The following KARS1 variants were observed in gnomAD, a reference collection of about 807,000 sequenced individuals.
KARS1 encodes the protein lysine--tRNA ligase.
Under a neutral mutation model 63.9 loss-of-function variants are expected in KARS1, and 50 were observed. The ratio of observed to expected loss-of-function variants is 0.78; its 90% confidence interval spans 0.62 to 0.99. The LOEUF (loss-of-function observed/expected upper bound fraction) is 0.99, where lower values mean the gene tolerates loss of function less well. Ranked by LOEUF, KARS1 falls within the 50% of genes least tolerant of loss-of-function variation. KARS1 has a pLI of 0.00. For missense variants in KARS1, 816 were observed against 754.5 expected, an observed-to-expected ratio of 1.08 and a Z score of -0.95; for synonymous variants, 320 against 264.6, an observed-to-expected ratio of 1.21 and a Z score of -2.03.
At chr16:75,631,114 G>A in intron 10 of KARS1, 54 bp downstream of exon 10, 1 of 1,422,732 alleles carries the variant, frequency 7.0e-7, no homozygotes, top group Non-Finnish European at 9.9e-7. Flanking sequence ...CCAGGGAAGA[G>A]GGAACCATTC....
intron 3 of KARS1, among the ~76,000 whole-genome samples, chr16:75,638,747 TAAAG>T (rs2082191515): frequency 6.7e-6 from 1 of 149,146 alleles, no homozygotes; most frequent in African/African-American, 2.5e-5. Context: ...AATCAAAGTA[TAAAG>T]AAAGATAAAA....
intron 3 of KARS1, chr16:75,639,929 C>T: frequency 3.9e-6 from 2 of 515,876 alleles, no homozygotes; most frequent in Non-Finnish European, 7.0e-6. Context: ...ACTTCTACCG[C>T]TGATTCTTGC....
intron 2 of KARS1, 86 bp from the exon 3 acceptor site, chr16:75,640,435 C>T (rs1365397456): frequency 2.4e-5 from 30 of 1,250,314 alleles, no homozygotes; most frequent in Non-Finnish European, 3.3e-5. Context: ...CAGTATTCTG[C>T]CCCCGAGTGA....
At position 75,636,504 on chromosome 16, in the gene KARS1, G is replaced by A. The variant is rs1452244936; in HGVS notation, c.432C>T (p.Phe144=). Residue 144 remains phenylalanine, a synonymous_variant, in exon 4 of 14, where the codon TTC becomes TTT. Transcript: ENST00000302445. ...TCACCCCCTCTCCTCGAAGATCATA[G>A]AAGATGAGCTTTCCCCCAGAAGCTC... ...AKRASGGKLI[F]YDLRGEGVKL... The A allele has an allele frequency of 1.2e-6, 2 of 1,613,578 alleles. No homozygotes were observed. The highest frequency in any genetic ancestry group is 2.2e-5 in the East Asian group (1 of 44,894).
intron 1 of KARS1, chr16:75,644,514 T>C: frequency 7.5e-7 from 1 of 1,332,922 alleles, no homozygotes. Flanking sequence ...AGTATACATA[T>C]ACCCAACCAA....
At chr16:75,635,568 T>C in intron 6 of KARS1, 112 bp downstream of exon 6, 1 of 1,202,004 alleles carries the variant, frequency 8.3e-7, no homozygotes, top group Non-Finnish European at 1.2e-6. Context: ...GACATTCTCA[T>C]TAGGCATGAA....
Position 75,634,250 on chromosome 16 carries a change from C to T in KARS1, c.838G>A (p.Ala280Thr). Residue 280 changes from alanine to threonine, a missense_variant, in exon 7 of 14, where the codon GCC (alanine) becomes ACC (threonine). Physicochemically the swap from Ala to Thr is moderately conservative, Grantham distance 58. Coordinates refer to ENST00000302445, the MANE Select transcript of KARS1 (RefSeq NM_005548.3). Reference protein sequence around the residue: ...MMNIIPGGAVAKPFITYHNEL... With the variant: ...MMNIIPGGAVTKPFITYHNEL... ...TTGTGATAAGTGATGAAAGGCTTGGCCACGGCTCCCCCTGGGATGATGTTC... is the reference window on the plus strand; with the variant it reads ...TTGTGATAAGTGATGAAAGGCTTGGTCACGGCTCCCCCTGGGATGATGTTC... 1 of 1,613,958 alleles carries T rather than the reference C, an allele frequency of 6.2e-7. No homozygotes were observed. Among genetic ancestry groups the T allele is most frequent in the Non-Finnish European group, 8.5e-7 (1 of 1,179,892 alleles).
In KARS1 at chr16:75,647,583, G is replaced by A; in HGVS notation, c.57C>T (p.Ser19=). 1.2e-6 allele frequency: 2 copies of A among 1,613,526 alleles called. No homozygotes were observed. The highest frequency in any genetic ancestry group is 1.7e-6 in the Non-Finnish European group (2 of 1,179,682). Residue 19 remains serine (S), a synonymous_variant, in exon 1 of 14, where the codon AGC becomes AGT. Coordinates refer to ENST00000302445, the MANE Select transcript of KARS1 (RefSeq NM_005548.3). ...VKVDGSEPKL[S]KNELKRRLKA... ...AGACTCGCAGCGACACTCACTTCTT[G>A]CTCAGTTTCGGCTCGCTGCCATCCA...
chr16:75,639,124 C>T (rs769103434), intron 3 of KARS1, among the ~76,000 whole-genome samples: 4 of 151,560 alleles, frequency 2.6e-5, no homozygotes, highest in Non-Finnish European at 5.9e-5. Context: ...GCCGAGATTG[C>T]GCCATTGCAC....
At chr16:75,630,749 C>T (rs1017933202) in intron 10 of KARS1, among the ~76,000 whole-genome samples, 1 of 152,070 alleles carries the variant, frequency 6.6e-6, no homozygotes, top group Non-Finnish European at 1.5e-5. Context: ...ATTCTCGTGC[C>T]TCAGCCTCCT....
intron 13 of KARS1, 113 bp downstream of exon 13, chr16:75,628,456 C>T (rs2082075203): frequency 3.2e-6 from 4 of 1,259,158 alleles, no homozygotes; most frequent in South Asian, 2.5e-5. Flanking sequence ...CTGCCTGCTC[C>T]TCTTCCCAGC....
At chr16:75,644,348 C>G in intron 1 of KARS1, 1 of 1,611,218 alleles carries the variant, frequency 6.2e-7, no homozygotes, top group East Asian at 2.2e-5. Flanking sequence ...GACCCAGTCG[C>G]AGTTCCCTGT....
Position 75,641,654 on chromosome 16 carries a change from A to C in KARS1, c.132T>G (p.Ser44Arg), listed in dbSNP as rs199916425. ...AEKEAKQKEL[S>R]EKQLSQATAA... is the part of the protein sequence containing the mutation. ...CAGTGGCTTGGCTTAGCTGTTTCTC[A>C]CTGAGCTCTTTCTGTTTGGCCTCCT... is the stretch of plus-strand genomic sequence containing the variant. Residue 44 changes from serine (S) to arginine (R), a missense_variant, in exon 2 of 14, where the codon AGT becomes AGG. Ser to Arg is a moderately radical substitution (Grantham distance 110). Coordinates refer to ENST00000302445, the MANE Select transcript of KARS1 (RefSeq NM_005548.3). 1.9e-6 allele frequency: 3 copies of C among 1,613,902 alleles called. No homozygotes were observed. The highest frequency in any genetic ancestry group is 2.5e-6 in the Non-Finnish European group (3 of 1,179,896).
chr16:75,627,948 T>G lies in KARS1; in HGVS notation c.1741A>C (p.Asn581His). 6.2e-7 allele frequency: 1 copy of G among 1,612,136 alleles called. No individual in the cohort carries two copies. Among genetic ancestry groups the G allele is most frequent in the Admixed American group, 1.7e-5 (1 of 60,022 alleles). Residue 581 changes from asparagine (N) to histidine (H), a missense_variant, in exon 14 of 14, where the codon AAT becomes CAT. Physicochemically the swap from Asn to His is moderately conservative, Grantham distance 68. Coordinates refer to ENST00000302445, the MANE Select transcript of KARS1 (RefSeq NM_005548.3). ...PAMKPEDKKE[N>H]VATTDTLEST... ...TCCAGTGTATCAGTGGTTGCTACAT[T>G]CTCCTTCTTGTCTTCGGGTTTCATG...
intron 7 of KARS1, among the ~76,000 whole-genome samples, chr16:75,632,975 G>C (rs189904825): frequency 6.6e-6 from 1 of 152,260 alleles, no homozygotes; most frequent in African/African-American, 2.4e-5. Context: ...AGTTAAGTCT[G>C]TTTACCCTAC....
chr16:75,642,744 G>C (rs986540856), intron 1 of KARS1: 1 of 152,168 alleles, frequency 6.6e-6, no homozygotes, highest in Non-Finnish European at 1.5e-5. Context: ...AGTACAGGGG[G>C]TAATATACCA....
At chr16:75,644,794 T>A (rs1225726581) in intron 1 of KARS1, among the ~76,000 whole-genome samples, 1 of 152,196 alleles carries the variant, frequency 6.6e-6, no homozygotes, top group African/African-American at 2.4e-5. Flanking sequence ...GAAGTGTGGT[T>A]TCTCACCTGG....
chr16:75,628,663 C>T lies in KARS1; in HGVS notation c.1601G>A (p.Cys534Tyr), dbSNP rs1156833108. The T allele has an allele frequency of 6.2e-7, 1 of 1,614,084 alleles. No homozygotes were observed. The highest frequency in any genetic ancestry group is 1.3e-5 in the African/African-American group (1 of 74,920). Residue 534 changes from cysteine to tyrosine, a missense_variant, in exon 13 of 14, where the codon TGT becomes TAT. Coordinates refer to ENST00000302445, the MANE Select transcript of KARS1 (RefSeq NM_005548.3). ...DEAMFIDENF[C>Y]TALEYGLPPT... ...GGGCAGCCCATATTCCAGGGCAGTA[C>T]AGAAGTTTTCATCTATGAACATGGC...
intron 1 of KARS1, among the ~76,000 whole-genome samples, chr16:75,646,495 C>A (rs956253875): frequency 6.6e-6 from 1 of 151,052 alleles, no homozygotes; most frequent in Non-Finnish European, 1.5e-5. Flanking sequence ...GAGCTGAGAT[C>A]GCGCCACTGC....
Sources: allele counts gnomAD v4.1 joint callset (sites outside exome capture counted in the v4.1 genomes callset), GRCh38; gene constraint gnomAD v4.1.1; transcripts MANE v1.5; gene names NCBI Gene and HGNC (gene_info 2026-07-23, HGNC 2026-07-21).